Variants in KIF24 observed in about 807,000 individuals in gnomAD.
KIF24 encodes the protein kinesin family member 24.
A neutral mutation model predicts 118.9 loss-of-function variants in KIF24; 81 were observed. The ratio of observed to expected loss-of-function variants is 0.68; its 90% CI spans 0.57 to 0.82. The LOEUF is 0.82. Among genes scored for constraint, KIF24 ranks in the 40% least tolerant of loss-of-function variants. KIF24 has a pLI of 0.00. For synonymous variants in KIF24, 599 were observed against 610.0 expected, an observed-to-expected ratio of 0.98 and a Z score of 0.27; for missense variants, 1,560 against 1,661.6, an observed-to-expected ratio of 0.94 and a Z score of 1.06.
intron 7 of KIF24, among the ~76,000 whole-genome samples, 195 bp downstream of exon 7, chr9:34,271,614 A>G (rs1384846266): frequency 6.6e-6 from 1 of 152,246 alleles, no homozygotes; most frequent in African/African-American, 2.4e-5. Context: ...TTGACCAACA[A>G]TAGGTCATTA....
In KIF24 at chr9:34,258,231, G is replaced by A. The variant is rs1349562188; in HGVS notation, c.1626-250C>T. 9.2e-5 allele frequency among the ~76,000 whole-genome samples: 14 copies of A among 152,178 alleles called. 1 individual carries two copies. The highest frequency in any genetic ancestry group is 2.6e-4 in the Admixed American group (4 of 15,284). On this transcript the variant is annotated intron_variant, in intron 10 of 12. Transcript: ENST00000402558. Reference sequence around the variant, plus strand: ...CATCTGTAATCTCAGCACTTTGGGAGGTTGAGGCAGGAGGACTGTTTGAGC... The same window carrying A: ...CATCTGTAATCTCAGCACTTTGGGAAGTTGAGGCAGGAGGACTGTTTGAGC...
At chr9:34,282,016 C>T (rs984809727) in intron 6 of KIF24, among the ~76,000 whole-genome samples, 2 of 152,074 alleles carry the variant, frequency 1.3e-5, no homozygotes, top group African/African-American at 4.8e-5. Flanking sequence ...TATGGCCCAG[C>T]GATTTCACTC....
At chr9:34,330,156 C>A (rs1837855791), upstream of KIF24, among the ~76,000 whole-genome samples, 1 of 152,208 alleles carries the variant, frequency 6.6e-6, no homozygotes, top group South Asian at 2.1e-4. Context: ...GTAATCCCAG[C>A]ATTTTGGGAG....
chr9:34,323,452 C>T (rs1837582394), intron 1 of KIF24, among the ~76,000 whole-genome samples: 1 of 152,178 alleles, frequency 6.6e-6, no homozygotes, highest in African/African-American at 2.4e-5. Flanking sequence ...ATTACTTTCT[C>T]TAAATATAGA....
intron 6 of KIF24, among the ~76,000 whole-genome samples, chr9:34,272,596 G>T (rs1835546630): frequency 6.6e-6 from 1 of 152,196 alleles, no homozygotes; most frequent in African/African-American, 2.4e-5. Flanking sequence ...ACAGGGGTAT[G>T]AGTGTTAGTT....
upstream of KIF24, chr9:34,329,516 G>A (rs1837811972): frequency 6.6e-6 from 1 of 152,256 alleles, no homozygotes; most frequent in Non-Finnish European, 1.5e-5. Flanking sequence ...CTATTGATGG[G>A]CCCAAGCGTA....
chr9:34,299,806 G>GTA (rs1836626781), intron 3 of KIF24, among the ~76,000 whole-genome samples: 1 of 72,424 alleles, frequency 1.4e-5, no homozygotes. Flanking sequence ...CTACCAAGAT[G>GTA]TGTGTGTGTG....
chr9:34,327,076 T>G (rs2131841642), intron 1 of KIF24, among the ~76,000 whole-genome samples: 1 of 152,294 alleles, frequency 6.6e-6, no homozygotes, highest in East Asian at 1.9e-4. Flanking sequence ...TATTATTAGT[T>G]TATACCTACA....
At chr9:34,331,173 G>A (rs1408856982), upstream of KIF24, among the ~76,000 whole-genome samples, 1 of 152,060 alleles carries the variant, frequency 6.6e-6, no homozygotes, top group African/African-American at 2.4e-5. Context: ...TTATGCTGTG[G>A]GACCTTATAA....
intron 1 of KIF24, among the ~76,000 whole-genome samples, chr9:34,315,495 ACTC>A (rs939855328): frequency 8.8e-4 from 134 of 152,176 alleles, no homozygotes; most frequent in African/African-American, 3.0e-3. Context: ...TTCTCTCTAA[ACTC>A]CTGCAGAGTT....
chr9:34,259,685 G>A lies in KIF24; in HGVS notation c.1536C>T (p.Ile512=), dbSNP rs182180571. Residue 512 remains isoleucine, a synonymous_variant, in exon 10 of 13, where the codon ATC becomes ATT. Transcript: ENST00000402558. The stretch of plus-strand genomic sequence containing the variant: ...CGATCATGCAGGTTTTGGCATTGCC[G>A]ATGAAAGAGTCCTTCAGGACCTGTC... ...KLTQVLKDSF[I]GNAKTCMIAN... The A allele has an allele frequency of 4.2e-4, 674 of 1,613,650 alleles. 1 individual carries two copies. In the African/African-American group the frequency reaches 6.7e-3, roughly 16 times the overall value.
Position 34,291,785 on chromosome 9 carries a change from T to C in KIF24, c.912-1396A>G, listed in dbSNP as rs200580777. ...ATGGATTAATGATAAAAATAGCTGC[T>C]TGCAGCAAAAAAAAAAAAGTCTATG... On this transcript the variant is annotated intron_variant, in intron 4 of 12. Coordinates refer to ENST00000402558, the MANE Select transcript of KIF24 (RefSeq NM_194313.4). 7.9e-5 allele frequency among the ~76,000 whole-genome samples: 12 copies of C among 151,508 alleles called. No individual in the cohort carries two copies. In the East Asian group the frequency reaches 2.3e-3, roughly 29 times the overall value.
chr9:34,255,002 AAG>A, intron 12 of KIF24, 68 bp downstream of exon 12: 1 of 1,072,036 alleles, frequency 9.3e-7, no homozygotes, highest in Non-Finnish European at 1.4e-6. Context: ...CACAGCAAAC[AAG>A]GATGACCATC....
rs371771941 is a variant in KIF24, at chr9:34,252,572, G to C, written c.*1808C>G. ...ATTACCAAGGCTGTTTTATGGGAGT[G>C]GGGGGGCCATGTGGTGTATAAAGAG... is the stretch of plus-strand genomic sequence containing the variant. On this transcript the variant is annotated 3_prime_UTR_variant, in exon 13 of 13. Coordinates refer to ENST00000402558, the MANE Select transcript of KIF24 (RefSeq NM_194313.4). 14 of 152,604 alleles carry C rather than the reference G, an allele frequency of 9.2e-5. No homozygotes were observed. Among genetic ancestry groups the C allele is most frequent in the East Asian group, 5.8e-4 (3 of 5,166 alleles). 9.5% of individuals were successfully genotyped at this position (152,604 alleles called of 1,614,324 possible). A position where few individuals can be genotyped will look rare whatever the true frequency, so the allele number is the denominator to read the frequency against.
intron 3 of KIF24, among the ~76,000 whole-genome samples, chr9:34,304,342 A>C (rs911901066): frequency 2.0e-5 from 3 of 152,232 alleles, no homozygotes; most frequent in African/African-American, 7.2e-5. Context: ...AAGTTCAAAC[A>C]GCAGAGAAAG....
At chr9:34,269,560 C>G (rs1459049521) in intron 7 of KIF24, among the ~76,000 whole-genome samples, 198 bp from the exon 8 acceptor site, 1 of 152,086 alleles carries the variant, frequency 6.6e-6, no homozygotes. Context: ...GCTGGGACTA[C>G]AGGCGCCCGC....
intron 4 of KIF24, among the ~76,000 whole-genome samples, chr9:34,293,880 C>G (rs781163960): frequency 6.6e-6 from 1 of 152,212 alleles, no homozygotes; most frequent in African/African-American, 2.4e-5. Context: ...AATAAGAAAG[C>G]CTGACGATAG....
chr9:34,293,603 G>A (rs1391927304), intron 4 of KIF24, among the ~76,000 whole-genome samples: 2 of 151,838 alleles, frequency 1.3e-5, no homozygotes, highest in African/African-American at 4.8e-5. Flanking sequence ...TGAAACCCCC[G>A]TCTCTACTAA....
At chr9:34,313,251 C>T (rs527582211) in intron 1 of KIF24, among the ~76,000 whole-genome samples, 1 of 152,118 alleles carries the variant, frequency 6.6e-6, no homozygotes, top group Admixed American at 6.6e-5. Context: ...GGCCCAGTGG[C>T]ACCACTAGAT....
Sources: gnomAD v4.1 joint callset for allele counts (sites outside exome capture counted in the v4.1 genomes callset) on GRCh38, gnomAD v4.1.1 for gene constraint, MANE v1.5 for transcripts, NCBI Gene and HGNC (gene_info 2026-07-23, HGNC 2026-07-21) for gene names.